The following STK32B variants were observed in gnomAD, a reference collection of about 807,000 sequenced individuals.
STK32B encodes the protein serine/threonine-protein kinase 32B.
In STK32B, 43 loss-of-function variants were observed where a neutral mutation model predicts 52.6. The observed-to-expected ratio is 0.82, with a 90% CI of 0.64 to 1.05. The LOEUF (loss-of-function observed/expected upper bound fraction) is 1.05, where lower values mean the gene tolerates loss of function less well. STK32B is among the 50% of genes least tolerant of loss of function. The pLI, the probability that STK32B is intolerant of heterozygous loss-of-function variation, is 0.00. For missense variants in STK32B, 621 were observed against 534.6 expected, an observed-to-expected ratio of 1.16 and a Z score of -1.59; for synonymous variants, 238 against 204.3, an observed-to-expected ratio of 1.17 and a Z score of -1.41.
chr4:5,108,301 G>A (rs1053018564), intron 1 of STK32B, among the ~76,000 whole-genome samples: 1 of 152,148 alleles, frequency 6.6e-6, no homozygotes. Flanking sequence ...TCCAGTTTGA[G>A]GCTAGAATAA....
chr4:5,078,618 T>C (rs1712224148), intron 1 of STK32B, among the ~76,000 whole-genome samples: 1 of 152,194 alleles, frequency 6.6e-6, no homozygotes, highest in Admixed American at 6.5e-5. Context: ...ATTTGTTCAC[T>C]CTGATTTAAG....
intron 2 of STK32B, among the ~76,000 whole-genome samples, chr4:5,165,382 C>G (rs1718786784): frequency 6.6e-6 from 1 of 152,144 alleles, no homozygotes; most frequent in African/African-American, 2.4e-5. Context: ...GAGTCTCTTC[C>G]AATTCCTAAA....
intron 1 of STK32B, 33 bp from the exon 2 acceptor site, chr4:5,139,872 C>A (rs756970215): frequency 6.2e-7 from 1 of 1,613,948 alleles, no homozygotes; most frequent in East Asian, 2.2e-5. Flanking sequence ...TTTAGCAAAT[C>A]TGACTTGTTT....
chr4:5,421,255 A>G (rs1560397489), intron 6 of STK32B, among the ~76,000 whole-genome samples: 1 of 151,450 alleles, frequency 6.6e-6, no homozygotes. Flanking sequence ...ACGCCTGGCT[A>G]TTTTTTTTGT....
intron 3 of STK32B, among the ~76,000 whole-genome samples, chr4:5,266,340 A>C (rs1382416460): frequency 6.6e-6 from 1 of 152,238 alleles, no homozygotes; most frequent in African/African-American, 2.4e-5. Flanking sequence ...ATAATGTGGG[A>C]GTAAAATAAA....
chr4:5,308,125 T>C (rs558381727), intron 3 of STK32B, among the ~76,000 whole-genome samples: 1 of 152,134 alleles, frequency 6.6e-6, no homozygotes, highest in Non-Finnish European at 1.5e-5. Context: ...GAGGTGTCGC[T>C]TTCAAGAGTG....
chr4:5,392,275 A>G (rs550729039), intron 4 of STK32B, among the ~76,000 whole-genome samples: 3 of 152,220 alleles, frequency 2.0e-5, no homozygotes, highest in African/African-American at 7.2e-5. Flanking sequence ...AAAATACAAA[A>G]TTTAGTCAGG....
chr4:5,333,789 A>G (rs1035442203), intron 4 of STK32B, among the ~76,000 whole-genome samples: 2 of 151,368 alleles, frequency 1.3e-5, no homozygotes, highest in African/African-American at 4.9e-5. Flanking sequence ...ATAGTTGTAG[A>G]TATGCGGCTT....
At chr4:5,164,666 A>G (rs974893008) in intron 2 of STK32B, among the ~76,000 whole-genome samples, 2 of 152,176 alleles carry the variant, frequency 1.3e-5, no homozygotes, top group Non-Finnish European at 2.9e-5. Flanking sequence ...GTATTATCAC[A>G]GGGTGAACAG....
At chr4:5,197,159 T>C (rs770372989) in intron 3 of STK32B, among the ~76,000 whole-genome samples, 8 of 152,044 alleles carry the variant, frequency 5.3e-5, no homozygotes, top group Non-Finnish European at 8.8e-5. Flanking sequence ...GGAGGGACAA[T>C]AGGGAGTGAT....
chr4:5,188,738 G>A (rs1720939896), intron 3 of STK32B, among the ~76,000 whole-genome samples: 1 of 150,510 alleles, frequency 6.6e-6, no homozygotes, highest in African/African-American at 2.4e-5. Flanking sequence ...CACACAACTA[G>A]AAGAAAGATG....
intron 9 of STK32B, among the ~76,000 whole-genome samples, chr4:5,461,494 TAGC>T (rs1279579580): frequency 6.6e-6 from 1 of 152,208 alleles, no homozygotes; most frequent in Non-Finnish European, 1.5e-5. Flanking sequence ...CAAACCGTGG[TAGC>T]AGCGCACACG....
In STK32B at chr4:5,396,356, C is replaced by G. The variant is rs958898444; in HGVS notation, c.435-1851C>G. Reference sequence around the variant, plus strand: ...GCATCCAAATCCCTCCCCCTACTTTCCTCCTATAAAGACATGAGTCTTTAG... The same window carrying G: ...GCATCCAAATCCCTCCCCCTACTTTGCTCCTATAAAGACATGAGTCTTTAG... On this transcript the variant is annotated intron_variant, in intron 4 of 11. Coordinates refer to ENST00000282908, the MANE Select transcript of STK32B (RefSeq NM_018401.3). The surrounding 1 kb of genome is among the most constrained non-coding windows in gnomAD (Gnocchi z 4.7). Among the ~76,000 whole-genome samples the G allele has an allele frequency of 2.6e-5, 4 of 152,176 alleles. No homozygotes were observed. The highest frequency in any genetic ancestry group is 7.2e-5 in the African/African-American group (3 of 41,434).
chr4:5,137,414 C>G (rs1338980368), intron 1 of STK32B, among the ~76,000 whole-genome samples: 1 of 152,170 alleles, frequency 6.6e-6, no homozygotes, highest in African/African-American at 2.4e-5. Context: ...CAGTTCATCA[C>G]TCGGATAACT....
chr4:5,303,220 A>G (rs974484962), intron 3 of STK32B, among the ~76,000 whole-genome samples: 22 of 152,108 alleles, frequency 1.4e-4, no homozygotes, highest in African/African-American at 4.8e-4. Context: ...GCTGGATCAA[A>G]TGGTAGATCT....
intron 3 of STK32B, among the ~76,000 whole-genome samples, chr4:5,177,082 G>C (rs761046593): frequency 1.3e-5 from 2 of 152,144 alleles, no homozygotes; most frequent in African/African-American, 4.8e-5. Context: ...CACCGTAAGA[G>C]GTTATATATG....
chr4:5,065,971 G>A (rs1033457403), intron 1 of STK32B, among the ~76,000 whole-genome samples: 5 of 152,084 alleles, frequency 3.3e-5, no homozygotes, highest in African/African-American at 9.7e-5. Flanking sequence ...TGATCTGCCC[G>A]CCTCAGCCTC....
At chr4:5,479,710 A>C (rs772584208) in intron 11 of STK32B, among the ~76,000 whole-genome samples, 92 of 152,176 alleles carry the variant, frequency 6.0e-4, no homozygotes, top group Non-Finnish European at 1.2e-3. Flanking sequence ...CAGGGTATGC[A>C]CGATGGAACT....
At chr4:5,346,831 G>A (rs28449339) in intron 4 of STK32B, among the ~76,000 whole-genome samples, 2 of 152,098 alleles carry the variant, frequency 1.3e-5, no homozygotes, top group Non-Finnish European at 2.9e-5. Context: ...AAGAAAGAAG[G>A]TTTAATTGAC....
Sources: allele counts gnomAD v4.1 joint callset (sites outside exome capture counted in the v4.1 genomes callset), GRCh38; gene constraint gnomAD v4.1.1; non-coding constraint Gnocchi (gnomAD v3.1); transcripts MANE v1.5; gene names NCBI Gene and HGNC (gene_info 2026-07-23, HGNC 2026-07-21).